PIP5KL1: variants seen among roughly 807,000 people sequenced by gnomAD.
The protein encoded by PIP5KL1 is phosphatidylinositol-4-phosphate 5-kinase like 1, also known as phosphatidylinositol 4-phosphate 5-kinase-like protein 1.
PIP5KL1 carries 45 observed loss-of-function variants against 47.6 expected under a neutral mutation model. The ratio of observed to expected loss-of-function variants is 0.94; its 90% CI spans 0.74 to 1.21. The LOEUF is 1.21. Among genes scored for constraint, PIP5KL1 ranks in the 50% most tolerant of loss-of-function variants. PIP5KL1 has a pLI of 0.00. For missense variants in PIP5KL1, 577 were observed against 547.6 expected (o/e 1.05, Z -0.54); for synonymous variants, 256 against 234.6 (o/e 1.09, Z -0.84).
chr9:127,928,571 C>T, intron 2 of PIP5KL1, 88 bp from the exon 3 acceptor site: 1 of 1,311,012 alleles, frequency 7.6e-7, no homozygotes, highest in Non-Finnish European at 1.0e-6. Context: ...CCTGGCCCGT[C>T]CCCCACCTCC....
At position 127,927,463 on chromosome 9, in the gene PIP5KL1, C is replaced by T; in HGVS notation, c.560-132G>A. The T allele has an allele frequency of 3.4e-6, 5 of 1,477,244 alleles. No individual in the cohort carries two copies. The highest frequency in any genetic ancestry group is 4.5e-6 in the Non-Finnish European group (5 of 1,115,258). The allele number at this position is 1,477,244 out of a possible 1,614,324, so 91.5% of individuals were successfully genotyped here. On this transcript the variant is annotated intron_variant, in intron 5 of 9. Coordinates refer to ENST00000388747, the MANE Select transcript of PIP5KL1 (RefSeq NM_001135219.2). The surrounding 1 kb of genome is among the most constrained non-coding windows in gnomAD (Gnocchi z 5.5). ...CACCTGGACCCTTCCTTGGCTGGTCCGGATCCCGACCCGATCCCACCCCTA... is the reference window on the plus strand; with the variant it reads ...CACCTGGACCCTTCCTTGGCTGGTCTGGATCCCGACCCGATCCCACCCCTA...
Position 127,927,943 on chromosome 9 carries a change from ACCCT to A in PIP5KL1, c.434+118_434+121del. Reference sequence around the variant, plus strand: ...CCGATCTGTCCACCATCCGGCCCTGACCCTCCCAGATTAGGGCCGCTCTGTTTCT... The same window carrying A: ...CCGATCTGTCCACCATCCGGCCCTGACCCAGATTAGGGCCGCTCTGTTTCT... On this transcript the variant is annotated intron_variant, in intron 4 of 9. Coordinates refer to ENST00000388747, the MANE Select transcript of PIP5KL1 (RefSeq NM_001135219.2). The surrounding 1 kb of genome is among the most constrained non-coding windows in gnomAD (Gnocchi z 5.5). The A allele has an allele frequency of 6.9e-7, 1 of 1,439,664 alleles. No individual in the cohort carries two copies. Among genetic ancestry groups the A allele is most frequent in the Admixed American group, 2.8e-5 (1 of 36,192 alleles). 89.2% of individuals were successfully genotyped at this position (1,439,664 alleles called of 1,614,324 possible). A position where few individuals can be genotyped will look rare whatever the true frequency, so the allele number is the denominator to read the frequency against.
chr9:127,925,498 C>T (rs1341323496), intron 8 of PIP5KL1: 1 of 519,770 alleles, frequency 1.9e-6, no homozygotes. Context: ...CAGAGTCTTG[C>T]TCTGTCGCAC....
At position 127,927,459 on chromosome 9, in the gene PIP5KL1, G is replaced by A. The variant is rs1831379637; in HGVS notation, c.560-128C>T. 1.7e-5 allele frequency: 25 copies of A among 1,481,496 alleles called. No homozygotes were observed. The highest frequency in any genetic ancestry group is 2.1e-5 in the Non-Finnish European group (24 of 1,117,580). 91.8% of individuals were successfully genotyped at this position (1,481,496 alleles called of 1,614,324 possible). A position where few individuals can be genotyped will look rare whatever the true frequency, so the allele number is the denominator to read the frequency against. Reference sequence around the variant, plus strand: ...GCGGCACCTGGACCCTTCCTTGGCTGGTCCGGATCCCGACCCGATCCCACC... The same window carrying A: ...GCGGCACCTGGACCCTTCCTTGGCTAGTCCGGATCCCGACCCGATCCCACC... On this transcript the variant is annotated intron_variant, in intron 5 of 9. Transcript: ENST00000388747. The surrounding 1 kb of genome is among the most constrained non-coding windows in gnomAD (Gnocchi z 5.5).
chr9:127,927,719 A>G lies in PIP5KL1; in HGVS notation c.488T>C (p.Leu163Pro). The G allele has an allele frequency of 6.4e-7, 1 of 1,551,468 alleles. No homozygotes were observed. The highest frequency in any genetic ancestry group is 1.2e-5 in the South Asian group (1 of 84,124). Residue 163 changes from leucine (L) to proline (P), a missense_variant, in exon 5 of 10, where the codon CTG becomes CCG. By Grantham distance (98) the Leu-to-Pro change is moderately conservative. Coordinates refer to ENST00000388747, the MANE Select transcript of PIP5KL1 (RefSeq NM_001135219.2). The surrounding 1 kb of genome is among the most constrained non-coding windows in gnomAD (Gnocchi z 5.5). ...KTQGRREVQA[L>P]LAHLPRYVQH... ...CACGTAGCGGGGCAGGTGGGCGAGC[A>G]GAGCCTGCACCTCTCGGCGCCCCTG...
chr9:127,922,494 C>A (rs1831297558), intron 9 of PIP5KL1, among the ~76,000 whole-genome samples: 2 of 151,862 alleles, frequency 1.3e-5, no homozygotes, highest in South Asian at 4.2e-4. Flanking sequence ...GGTCAGAAGT[C>A]GGAGACCATG....
At position 127,927,637 on chromosome 9, in the gene PIP5KL1, C is replaced by G. The variant is rs1401342657; in HGVS notation, c.559+11G>C. On this transcript the variant is annotated intron_variant, in intron 5 of 9. Transcript: ENST00000388747. The surrounding 1 kb of genome is among the most constrained non-coding windows in gnomAD (Gnocchi z 5.5). ...ACCCGCCCCCACCGAGCCCCGCCCC[C>G]AGCCAAGTACCCAGCAACCGCGCCA... The G allele has an allele frequency of 7.8e-6, 12 of 1,530,848 alleles. No individual in the cohort carries two copies. Among genetic ancestry groups the G allele is most frequent in the Non-Finnish European group, 4.4e-6 (5 of 1,144,578 alleles). The allele number at this position is 1,530,848 out of a possible 1,614,324, so 94.8% of individuals were successfully genotyped here. A position where few individuals can be genotyped will look rare whatever the true frequency, so the allele number is the denominator to read the frequency against.
intron 1 of PIP5KL1, among the ~76,000 whole-genome samples, chr9:127,930,381 G>A (rs1481452884): frequency 6.6e-6 from 1 of 152,208 alleles, no homozygotes; most frequent in African/African-American, 2.4e-5. Context: ...AGCACGGAGG[G>A]GCCAGCACGA....
Position 127,927,740 on chromosome 9 carries a change from C to T in PIP5KL1, c.467G>A (p.Gly156Glu). 6.4e-7 allele frequency: 1 copy of T among 1,558,034 alleles called. No individual in the cohort carries two copies. The highest frequency in any genetic ancestry group is 8.7e-7 in the Non-Finnish European group (1 of 1,152,088). Residue 156 changes from glycine (G) to glutamate (E), a missense_variant, in exon 5 of 10, where the codon GGG becomes GAG. Gly to Glu is a moderately conservative substitution (Grantham distance 98). Transcript: ENST00000388747. The surrounding 1 kb of genome is among the most constrained non-coding windows in gnomAD (Gnocchi z 5.5). ...GAGCAGAGCCTGCACCTCTCGGCGC[C>T]CCTGGGTCTTCAGGAAGAAGCGCTG... ...HDQRFFLKTQ[G>E]RREVQALLAH...
In PIP5KL1 at chr9:127,927,929, A is replaced by C; in HGVS notation, c.434+136T>G. 1 of 1,453,216 alleles carries C rather than the reference A, an allele frequency of 6.9e-7. No individual in the cohort carries two copies. Among genetic ancestry groups the C allele is most frequent in the Non-Finnish European group, 9.1e-7 (1 of 1,093,940 alleles). 90.0% of individuals were successfully genotyped at this position (1,453,216 alleles called of 1,614,324 possible). A position where few individuals can be genotyped will look rare whatever the true frequency, so the allele number is the denominator to read the frequency against. On this transcript the variant is annotated intron_variant, in intron 4 of 9. Coordinates refer to ENST00000388747, the MANE Select transcript of PIP5KL1 (RefSeq NM_001135219.2). The surrounding 1 kb of genome is among the most constrained non-coding windows in gnomAD (Gnocchi z 5.5). ...CCCTCCTCTCCTCCCCGATCTGTCC[A>C]CCATCCGGCCCTGACCCTCCCAGAT...
chr9:127,925,343 G>A, intron 8 of PIP5KL1, 83 bp from the exon 9 acceptor site: 2 of 1,481,456 alleles, frequency 1.4e-6, no homozygotes, highest in South Asian at 1.3e-5. Flanking sequence ...GTGACAGCAT[G>A]TGGCATTACT....
chr9:127,930,587 C>T (rs1831421303), intron 1 of PIP5KL1, 136 bp downstream of exon 1: 13 of 1,096,724 alleles, frequency 1.2e-5, no homozygotes, highest in African/African-American at 3.3e-5. Flanking sequence ...CCGTGTGGGG[C>T]GTGTCCTGGT....
chr9:127,927,835 C>G lies in PIP5KL1; in HGVS notation c.435-63G>C. 6.6e-7 allele frequency: 1 copy of G among 1,518,872 alleles called. No individual in the cohort carries two copies. Among genetic ancestry groups the G allele is most frequent in the Non-Finnish European group, 8.8e-7 (1 of 1,139,490 alleles). 94.1% of individuals were successfully genotyped at this position (1,518,872 alleles called of 1,614,324 possible). ...GCTGGAGCGGCTCCCACCCGGCCCC[C>G]TTCCCCGACCTGTGCACGTGGATCT... is the stretch of plus-strand genomic sequence containing the variant. On this transcript the variant is annotated intron_variant, in intron 4 of 9. Coordinates refer to ENST00000388747, the MANE Select transcript of PIP5KL1 (RefSeq NM_001135219.2). This position sits in a 1 kb window ranked among gnomAD's most constrained non-coding sequence, Gnocchi z 5.5.
intron 9 of PIP5KL1, among the ~76,000 whole-genome samples, chr9:127,922,588 G>A (rs1457715848): frequency 6.6e-6 from 1 of 151,560 alleles, no homozygotes; most frequent in African/African-American, 2.4e-5. Context: ...CAGCTGCTCA[G>A]GAGGCTGAGG....
At chr9:127,925,766 A>T in intron 8 of PIP5KL1, 101 bp downstream of exon 8, 1 of 1,057,736 alleles carries the variant, frequency 9.5e-7, no homozygotes, top group African/African-American at 1.6e-5. Context: ...GCCCGGCCGA[A>T]TCTGGGCTCT....
intron 9 of PIP5KL1, among the ~76,000 whole-genome samples, chr9:127,922,694 C>CAAAAAAAAAAAAAAAAAAAAAAAA (rs386416269): frequency 5.6e-5 from 5 of 89,538 alleles, no homozygotes; most frequent in Non-Finnish European, 8.3e-5. Context: ...GACTCTGTCT[C>CAAAAAAAAAAAAAAAAAAAAAAAA]AAAAAAAAAA....
intron 8 of PIP5KL1, chr9:127,925,619 C>A (rs569998777): frequency 1.2e-4 from 63 of 520,008 alleles, no homozygotes; most frequent in African/African-American, 1.0e-3. Context: ...GCGGGTACCA[C>A]CACGCCTGGC....
rs756872946 is a variant in PIP5KL1, at chr9:127,927,352, G to A, written c.560-21C>T. On this transcript the variant is annotated intron_variant, in intron 5 of 9. Transcript: ENST00000388747. The surrounding 1 kb of genome is among the most constrained non-coding windows in gnomAD (Gnocchi z 5.5). ...CACTCCTGGAAGGGGAGAGGGCGCCGGATGAGGATCCCCAAACTCCACAAC... is the reference window on the plus strand; with the variant it reads ...CACTCCTGGAAGGGGAGAGGGCGCCAGATGAGGATCCCCAAACTCCACAAC... The A allele has an allele frequency of 1.3e-6, 2 of 1,599,934 alleles. No individual in the cohort carries two copies. The highest frequency in any genetic ancestry group is 1.7e-6 in the Non-Finnish European group (2 of 1,175,914).
chr9:127,922,307 T>G (rs1365404892), intron 9 of PIP5KL1, among the ~76,000 whole-genome samples, 193 bp from the exon 10 acceptor site: 2 of 118,320 alleles, frequency 1.7e-5, no homozygotes, highest in Non-Finnish European at 3.7e-5. Flanking sequence ...CAGTAGACAT[T>G]GGCCACAGGT....
Sources: gnomAD v4.1 joint callset for allele counts (sites outside exome capture counted in the v4.1 genomes callset) on GRCh38, gnomAD v4.1.1 for gene constraint, Gnocchi (gnomAD v3.1) non-coding constraint, MANE v1.5 for transcripts, NCBI Gene and HGNC (gene_info 2026-07-23, HGNC 2026-07-21) for gene names.